KLRG1: variants seen among roughly 807,000 people sequenced by gnomAD.
The protein encoded by KLRG1 is killer cell lectin like receptor G1.
KLRG1 carries 16 observed loss-of-function variants against 21.8 expected under a neutral mutation model. The observed-to-expected ratio is 0.73, with a 90% CI of 0.50 to 1.11. KLRG1 has a LOEUF of 1.11. KLRG1 is among the 50% of genes most tolerant of loss of function. KLRG1 has a pLI of 0.00. For missense variants in KLRG1, 173 were observed against 218.3 expected, an observed-to-expected ratio of 0.79 and a Z score of 1.31; for synonymous variants, 69 against 75.9, an observed-to-expected ratio of 0.91 and a Z score of 0.47.
At chr12:9,027,763 C>G in the KLRG1 span, 5 of 1,391,574 alleles carry the variant, frequency 3.6e-6, no homozygotes, top group Non-Finnish European at 5.0e-6. Context: ...TCCATTATAG[C>G]CATCCCCATT....
At chr12:9,133,081 A>G in the KLRG1 span, among the ~76,000 whole-genome samples, 1 of 152,304 alleles carries the variant, frequency 6.6e-6, no homozygotes, top group East Asian at 1.9e-4. Flanking sequence ...AGAGATAAGT[A>G]AAGGATGATT....
At chr12:8,996,969 G>A (rs750129856) in intron 3 of KLRG1, among the ~76,000 whole-genome samples, 33 of 152,298 alleles carry the variant, frequency 2.2e-4, no homozygotes, top group African/African-American at 7.5e-4. Flanking sequence ...TGTAGCAGCT[G>A]CTATAAATTT....
the KLRG1 span, chr12:9,160,470 T>C: frequency 3.7e-6 from 6 of 1,613,414 alleles, no homozygotes; most frequent in Non-Finnish European, 5.1e-6. Context: ...ATATTTTGCA[T>C]AGCAGAACCT....
the KLRG1 span, among the ~76,000 whole-genome samples, chr12:9,203,353 T>C: frequency 6.8e-5 from 10 of 146,626 alleles, no homozygotes; most frequent in African/African-American, 2.6e-4. Flanking sequence ...TTTTTTTTTT[T>C]TTTTTTGAGA....
the KLRG1 span, among the ~76,000 whole-genome samples, chr12:9,198,827 A>T: frequency 6.6e-6 from 1 of 152,206 alleles, no homozygotes; most frequent in Non-Finnish European, 1.5e-5. Context: ...CTACGGCACT[A>T]TTAATTTGGA....
chr12:9,003,651 G>C (rs1313021164), intron 3 of KLRG1, among the ~76,000 whole-genome samples: 3 of 151,312 alleles, frequency 2.0e-5, no homozygotes, highest in Non-Finnish European at 4.4e-5. Context: ...GCTCCACAGA[G>C]AGAAAGTAAA....
chr12:9,149,561 C>T, the KLRG1 span: 6 of 1,612,394 alleles, frequency 3.7e-6, no homozygotes, highest in South Asian at 2.2e-5. Flanking sequence ...GAACTCTTAC[C>T]TGTGCTGCAG....
chr12:8,996,837 T>C (rs753299090), intron 3 of KLRG1, among the ~76,000 whole-genome samples: 6 of 152,202 alleles, frequency 3.9e-5, no homozygotes, highest in Non-Finnish European at 8.8e-5. Flanking sequence ...ATAGTGACTC[T>C]CAGGATTTGA....
At chr12:9,072,344 G>A in the KLRG1 span, 1 of 1,613,344 alleles carries the variant, frequency 6.2e-7, no homozygotes, top group Non-Finnish European at 8.5e-7. Flanking sequence ...AGGTGATAGA[G>A]TCAGAAGGTC....
At chr12:9,158,501 T>C in the KLRG1 span, 5 of 1,614,134 alleles carry the variant, frequency 3.1e-6, no homozygotes, top group African/African-American at 2.7e-5. Flanking sequence ...ACGTGAGAGA[T>C]TGGGTAATGT....
the KLRG1 span, among the ~76,000 whole-genome samples, chr12:9,029,659 C>T: frequency 6.6e-6 from 1 of 152,058 alleles, no homozygotes. Context: ...GTCATTTTTT[C>T]CCCCTTATTG....
chr12:9,119,912 A>T, the KLRG1 span, among the ~76,000 whole-genome samples: 2 of 152,194 alleles, frequency 1.3e-5, no homozygotes, highest in Non-Finnish European at 2.9e-5. Flanking sequence ...GAGAAAAAAT[A>T]ACTGGACCAG....
chr12:9,149,637 A>T, the KLRG1 span: 1 of 1,604,390 alleles, frequency 6.2e-7, no homozygotes, highest in Non-Finnish European at 8.5e-7. Context: ...AAGAAACGAA[A>T]GATCTATGAA....
the KLRG1 span, chr12:9,095,664 AGCCAGT>A: frequency 6.2e-7 from 1 of 1,612,078 alleles, no homozygotes; most frequent in East Asian, 2.2e-5. Context: ...GGCCCAGGGA[AGCCAGT>A]GAGGTCCTTT....
chr12:9,210,298 T>A, the KLRG1 span, among the ~76,000 whole-genome samples: 4 of 152,212 alleles, frequency 2.6e-5, no homozygotes, highest in Non-Finnish European at 4.4e-5. Flanking sequence ...TTAATGACTT[T>A]ACACATCTTT....
chr12:9,052,598 C>G, the KLRG1 span, among the ~76,000 whole-genome samples: 19 of 152,314 alleles, frequency 1.2e-4, no homozygotes, highest in African/African-American at 4.3e-4. Flanking sequence ...CATTCAGCCT[C>G]CCACCATCAT....
the KLRG1 span, among the ~76,000 whole-genome samples, chr12:9,120,852 C>CTGTGTGTGTGT: frequency 7.0e-6 from 1 of 143,408 alleles, no homozygotes; most frequent in Non-Finnish European, 1.5e-5. Flanking sequence ...ATCCCACTAA[C>CTGTGTGTGTGT]GTGTGTGTGT....
chr12:9,009,118 A>G (rs1947564859), intron 4 of KLRG1, 43 bp downstream of exon 4: 2 of 1,450,454 alleles, frequency 1.4e-6, no homozygotes, highest in South Asian at 1.2e-5. Context: ...AGAGAGGAAA[A>G]AGGAAAGCCA....
At chr12:9,106,458 G>A in the KLRG1 span, 116 of 1,461,106 alleles carry the variant, frequency 7.9e-5, no homozygotes, top group Non-Finnish European at 1.1e-4. Flanking sequence ...AATGCCTGTT[G>A]TGTTTTCTCT....
Sources: allele counts gnomAD v4.1 joint callset (sites outside exome capture counted in the v4.1 genomes callset), GRCh38; gene constraint gnomAD v4.1.1; transcripts MANE v1.5; gene names NCBI Gene and HGNC (gene_info 2026-07-23, HGNC 2026-07-21).